PLCB1: variants seen among roughly 807,000 people sequenced by gnomAD.
The protein encoded by PLCB1 is phospholipase C beta 1.
A neutral mutation model predicts 161.8 loss-of-function variants in PLCB1; 46 were observed. That is an observed-to-expected ratio of 0.28 (90% confidence interval 0.22 to 0.36). The LOEUF (loss-of-function observed/expected upper bound fraction) is 0.36. Ranked by LOEUF, PLCB1 falls within the 10% of genes least tolerant of loss-of-function variation. The pLI, the probability that PLCB1 is intolerant of heterozygous loss-of-function variation, is 1.00. For missense variants in PLCB1, 1,016 were observed against 1,472.5 expected (o/e 0.69, Z 5.07); for synonymous variants, 517 against 503.7 (o/e 1.03, Z -0.35).
chr20:8,572,198 A>G (rs1986544490), intron 3 of PLCB1, among the ~76,000 whole-genome samples: 1 of 152,172 alleles, frequency 6.6e-6, no homozygotes, highest in South Asian at 2.1e-4. Flanking sequence ...TTTTGTTCTT[A>G]TCAAGATAGA....
chr20:8,419,835 T>C (rs1979463955), intron 3 of PLCB1, among the ~76,000 whole-genome samples: 1 of 152,172 alleles, frequency 6.6e-6, no homozygotes, highest in African/African-American at 2.4e-5. Flanking sequence ...ACTTAAATGT[T>C]TATACATCCA....
intron 2 of PLCB1, among the ~76,000 whole-genome samples, chr20:8,304,123 A>C (rs1326794263): frequency 6.6e-6 from 1 of 152,214 alleles, no homozygotes; most frequent in African/African-American, 2.4e-5. Flanking sequence ...CCAGTAAAAA[A>C]TGGGGACCAA....
At chr20:8,363,000 C>A (rs886376010) in intron 2 of PLCB1, among the ~76,000 whole-genome samples, 3 of 152,116 alleles carry the variant, frequency 2.0e-5, no homozygotes, top group African/African-American at 7.2e-5. Flanking sequence ...TTTCTGTTCC[C>A]AGTTACTATG....
At chr20:8,627,737 C>T (rs944512505) in intron 3 of PLCB1, among the ~76,000 whole-genome samples, 16 of 152,150 alleles carry the variant, frequency 1.1e-4, no homozygotes, top group Admixed American at 6.5e-5. Flanking sequence ...TGTCCAAATC[C>T]CAGTACATTC....
At chr20:8,193,225 T>C in intron 2 of PLCB1, among the ~76,000 whole-genome samples, 1 of 151,902 alleles carries the variant, frequency 6.6e-6, no homozygotes, top group East Asian at 1.9e-4. Flanking sequence ...ATGATAACTA[T>C]CAAAATTACA....
At chr20:8,777,843 G>C (rs1481648492) in intron 27 of PLCB1, among the ~76,000 whole-genome samples, 1 of 152,116 alleles carries the variant, frequency 6.6e-6, no homozygotes, top group Non-Finnish European at 1.5e-5. Flanking sequence ...ACCGTGACTG[G>C]GGAAGCCTCA....
At chr20:8,626,042 G>A (rs1181036718) in intron 3 of PLCB1, among the ~76,000 whole-genome samples, 1 of 151,928 alleles carries the variant, frequency 6.6e-6, no homozygotes, top group Non-Finnish European at 1.5e-5. Context: ...GCCGGGCGTG[G>A]TGGCACACCC....
At chr20:8,340,287 G>C (rs1454629271) in intron 2 of PLCB1, among the ~76,000 whole-genome samples, 1 of 152,222 alleles carries the variant, frequency 6.6e-6, no homozygotes, top group African/African-American at 2.4e-5. Flanking sequence ...CTGCTAGCTT[G>C]AGCTGGGGCT....
intron 31 of PLCB1, among the ~76,000 whole-genome samples, chr20:8,794,878 G>GTGT (rs992592480): frequency 2.0e-5 from 3 of 152,186 alleles, no homozygotes; most frequent in Non-Finnish European, 4.4e-5. Context: ...AAAGTTAACA[G>GTGT]TTTTTCAGTG....
At chr20:8,345,204 A>G (rs1348817822) in intron 2 of PLCB1, among the ~76,000 whole-genome samples, 2 of 152,154 alleles carry the variant, frequency 1.3e-5, no homozygotes, top group African/African-American at 2.4e-5. Flanking sequence ...ATGTGCTGAC[A>G]TGGATGCATT....
At chr20:8,157,427 G>T (rs532775223) in intron 2 of PLCB1, among the ~76,000 whole-genome samples, 40 of 152,344 alleles carry the variant, frequency 2.6e-4, no homozygotes, top group Admixed American at 1.2e-3. Context: ...AGACCTTAGA[G>T]ATTAAACTTT....
intron 3 of PLCB1, chr20:8,371,982 T>G (rs1986918630): frequency 6.6e-6 from 1 of 152,290 alleles, no homozygotes; most frequent in Non-Finnish European, 1.5e-5. Flanking sequence ...TGAAGAAATA[T>G]TCAAAGAAGT....
chr20:8,247,311 T>C (rs1049578406), intron 2 of PLCB1, among the ~76,000 whole-genome samples: 8 of 151,968 alleles, frequency 5.3e-5, no homozygotes, highest in Admixed American at 1.3e-4. Flanking sequence ...TTTTCAGATT[T>C]CTCTTTTTTT....
chr20:8,719,188 A>T (rs951516859), intron 14 of PLCB1, among the ~76,000 whole-genome samples: 7 of 152,256 alleles, frequency 4.6e-5, no homozygotes, highest in African/African-American at 1.7e-4. Context: ...TTTAAGCTTG[A>T]CTGTAGGAAG....
At chr20:8,363,084 G>C (rs1217810209) in intron 2 of PLCB1, among the ~76,000 whole-genome samples, 2 of 152,080 alleles carry the variant, frequency 1.3e-5, no homozygotes, top group Non-Finnish European at 2.9e-5. Flanking sequence ...TTTTATGCAG[G>C]GTGGGTGGAG....
intron 27 of PLCB1, among the ~76,000 whole-genome samples, chr20:8,783,897 C>G (rs1983355707): frequency 6.6e-6 from 1 of 152,144 alleles, no homozygotes; most frequent in Admixed American, 6.5e-5. Context: ...ATTAATGCCT[C>G]CCCTGGACCA....
chr20:8,349,938 A>C (rs1986129126), intron 2 of PLCB1, among the ~76,000 whole-genome samples: 2 of 152,190 alleles, frequency 1.3e-5, no homozygotes, highest in Admixed American at 6.5e-5. Flanking sequence ...AGATAGCATA[A>C]TTTTCTATGG....
intron 3 of PLCB1, among the ~76,000 whole-genome samples, chr20:8,564,777 C>T (rs192157296): frequency 1.5e-3 from 233 of 152,154 alleles, no homozygotes; most frequent in African/African-American, 5.4e-3. Context: ...CAAATAAAAA[C>T]CACAATGAGA....
chr20:8,563,068 C>A (rs927993995), intron 3 of PLCB1, among the ~76,000 whole-genome samples: 2 of 151,972 alleles, frequency 1.3e-5, no homozygotes, highest in Admixed American at 6.6e-5. Flanking sequence ...ATGTATGATA[C>A]TGACAGCCAA....
Sources: allele counts gnomAD v4.1 joint callset (sites outside exome capture counted in the v4.1 genomes callset), GRCh38; gene constraint gnomAD v4.1.1; transcripts MANE v1.5; gene names NCBI Gene and HGNC (gene_info 2026-07-23, HGNC 2026-07-21).